The following OTOA variants were observed in gnomAD, a reference collection of about 807,000 sequenced individuals.
OTOA encodes otoancorin.
Under a neutral mutation model 110.8 loss-of-function variants are expected in OTOA, and 70 were observed. The ratio of observed to expected loss-of-function variants is 0.63; its 90% CI spans 0.52 to 0.77. The LOEUF (loss-of-function observed/expected upper bound fraction) is 0.77. OTOA is among the 30% of genes least tolerant of loss of function. The probability of loss-of-function intolerance (pLI) is 0.00; values close to 1 mark genes in which losing one functional copy is unlikely to be tolerated. For synonymous variants in OTOA, 373 were observed against 431.5 expected (o/e 0.86, Z 1.68); for missense variants, 917 against 1,075.8 (o/e 0.85, Z 2.06).
At chr16:21,719,835 A>T (rs1274534679) in intron 17 of OTOA, among the ~76,000 whole-genome samples, 1 of 152,196 alleles carries the variant, frequency 6.6e-6, no homozygotes, top group Non-Finnish European at 1.5e-5. Context: ...AACACTTTCC[A>T]GGAGTAGCTG....
At chr16:21,700,078 C>T (rs1029573281) in intron 10 of OTOA, among the ~76,000 whole-genome samples, 38 of 152,132 alleles carry the variant, frequency 2.5e-4, no homozygotes, top group African/African-American at 8.7e-4. Context: ...GCACGTGGCA[C>T]CCTTGGACAT....
chr16:21,687,147 A>ATTCT (rs775900789), intron 7 of OTOA, among the ~76,000 whole-genome samples: 11 of 152,210 alleles, frequency 7.2e-5, no homozygotes, highest in Admixed American at 2.0e-4. Flanking sequence ...AGAAAAAGGA[A>ATTCT]AGATGCAGAA....
chr16:21,726,988 G>A (rs58065144), intron 19 of OTOA: 52,662 of 342,232 alleles, frequency 0.15, 5,465 homozygotes, highest in South Asian at 0.27. Flanking sequence ...TGTAAGGTGG[G>A]GGGAGTAGCA....
chr16:21,697,037 CTTTTTT>C (rs56124254), intron 9 of OTOA, among the ~76,000 whole-genome samples: 23 of 65,034 alleles, frequency 3.5e-4, no homozygotes, highest in South Asian at 1.6e-3. Context: ...CTACAGCTGG[CTTTTTT>C]TTTTTTTTTT....
Position 21,678,613 on chromosome 16 carries a change from C to T in OTOA, c.91+8C>T. On this transcript the variant is annotated splice_region_variant and intron_variant, in intron 2 of 28. Coordinates refer to ENST00000646100, the MANE Select transcript of OTOA (RefSeq NM_144672.4). ...TGCCAAATTCCAGGCAGGGTAAGTCCTGAGGGAAGAATCACCCTTTGTGGT... is the reference window on the plus strand; with the variant it reads ...TGCCAAATTCCAGGCAGGGTAAGTCTTGAGGGAAGAATCACCCTTTGTGGT... The T allele has an allele frequency of 6.2e-7, 1 of 1,610,128 alleles. No individual in the cohort carries two copies. Among genetic ancestry groups the T allele is most frequent in the Non-Finnish European group, 8.5e-7 (1 of 1,176,668 alleles).
Position 21,694,429 on chromosome 16 carries a change from C to T in OTOA, c.739+2742C>T, listed in dbSNP as rs1390469250. 3.3e-5 allele frequency among the ~76,000 whole-genome samples: 5 copies of T among 151,996 alleles called. No individual in the cohort carries two copies. The East Asian group carries it at 5.8e-4, about 18-fold the overall frequency. ...CTGGACTCCAGCCTGGGTGACAGAG[C>T]GAGACCTTGTCTCTAAAAAAAAGTC... On this transcript the variant is annotated intron_variant, in intron 9 of 28. Coordinates refer to ENST00000646100, the MANE Select transcript of OTOA (RefSeq NM_144672.4).
intron 5 of OTOA, 94 bp from the exon 6 acceptor site, chr16:21,681,644 C>T (rs1287972413): frequency 2.0e-6 from 2 of 994,302 alleles, no homozygotes; most frequent in Non-Finnish European, 3.2e-6. Context: ...ACCCCTGGTC[C>T]ATCCCTACCT....
At chr16:21,714,630 G>C (rs1898493165) in intron 13 of OTOA, among the ~76,000 whole-genome samples, 1 of 151,834 alleles carries the variant, frequency 6.6e-6, no homozygotes, top group African/African-American at 2.4e-5. Context: ...TCCTGCCTCA[G>C]CCTCCCAAGT....
intron 17 of OTOA, among the ~76,000 whole-genome samples, chr16:21,722,077 A>C (rs67920112): frequency 0.23 from 33,101 of 142,590 alleles, 3,936 homozygotes; most frequent in Middle Eastern, 0.25. Flanking sequence ...AAAAAACCCC[A>C]AAAAAACCCA....
chr16:21,707,599 T>C (rs1464954300), intron 12 of OTOA, among the ~76,000 whole-genome samples: 1 of 58,660 alleles, frequency 1.7e-5, no homozygotes, highest in East Asian at 3.7e-4. Context: ...TTCCTTTTCT[T>C]TCTTTCTTTC....
At chr16:21,664,840 C>T (rs550797231) in intron 1 of OTOA, among the ~76,000 whole-genome samples, 18 of 151,986 alleles carry the variant, frequency 1.2e-4, no homozygotes, top group Non-Finnish European at 2.2e-4. Flanking sequence ...GGTGTGGTGG[C>T]GGGCGCCTGT....
intron 19 of OTOA, 25 bp downstream of exon 19, chr16:21,726,683 C>T (rs988514349): frequency 4.3e-6 from 7 of 1,613,750 alleles, no homozygotes; most frequent in Middle Eastern, 1.7e-4. Context: ...CCTGGGTGTC[C>T]CCTCCCTCTG....
intron 23 of OTOA, among the ~76,000 whole-genome samples, chr16:21,743,280 AC>A (rs1442253916): frequency 6.8e-6 from 1 of 147,914 alleles, no homozygotes; most frequent in Non-Finnish European, 1.5e-5. Context: ...TATATAAGGG[AC>A]TTGAATATCC....
At chr16:21,721,470 C>T (rs567275978) in intron 17 of OTOA, 15 of 456,000 alleles carry the variant, frequency 3.3e-5, no homozygotes, top group East Asian at 7.0e-5. Flanking sequence ...TCCTACAATG[C>T]GTAGGACAGC....
intron 9 of OTOA, among the ~76,000 whole-genome samples, chr16:21,692,389 A>G (rs1033342614): frequency 2.6e-5 from 4 of 151,998 alleles, no homozygotes; most frequent in African/African-American, 9.7e-5. Flanking sequence ...GCAATAAAAC[A>G]CAGAAATTTA....
Position 21,710,028 on chromosome 16 carries a change from C to T in OTOA, c.1245C>T (p.Ser415=), listed in dbSNP as rs1270300960. ...LSPEAVHGAI[S]TLNQVSGWAK... ...CCGAGGCTGTGCACGGAGCCATCTC[C>T]ACCCTCAACCAGGTCTCAGGTTGGG... The change falls in exon 13 of 29, where the codon TCC becomes TCT. Residue 415 remains serine (S), a synonymous_variant. Transcript: ENST00000646100. 16 of 1,614,096 alleles carry T rather than the reference C, an allele frequency of 9.9e-6. No individual in the cohort carries two copies. The highest frequency in any genetic ancestry group is 1.4e-5 in the Non-Finnish European group (16 of 1,179,996).
intron 1 of OTOA, among the ~76,000 whole-genome samples, chr16:21,675,572 C>T (rs11642751): frequency 0.19 from 28,811 of 151,736 alleles, 4,198 homozygotes; most frequent in African/African-American, 0.39. Flanking sequence ...GTCTTTTTCC[C>T]CCTGCATTTT....
chr16:21,678,471 A>T (rs570641983), intron 1 of OTOA, 40 bp from the exon 2 acceptor site: 939 of 1,299,506 alleles, frequency 7.2e-4, no homozygotes, highest in Middle Eastern at 1.9e-3. Context: ...TATATATATT[A>T]AAAAAACATG....
chr16:21,695,878 TA>T (rs1897922522), intron 9 of OTOA, among the ~76,000 whole-genome samples: 1 of 40,248 alleles, frequency 2.5e-5, no homozygotes, highest in African/African-American at 1.3e-4. Context: ...TATATATATA[TA>T]TATATATATA....
Sources: allele counts gnomAD v4.1 joint callset (sites outside exome capture counted in the v4.1 genomes callset), GRCh38; gene constraint gnomAD v4.1.1; transcripts MANE v1.5; gene names NCBI Gene and HGNC (gene_info 2026-07-23, HGNC 2026-07-21).